CEMIP: variants seen among roughly 807,000 people sequenced by gnomAD.
CEMIP encodes cell migration-inducing and hyaluronan-binding protein.
CEMIP carries 105 observed loss-of-function variants against 156.9 expected under a neutral mutation model. The ratio of observed to expected loss-of-function variants is 0.67; its 90% CI spans 0.57 to 0.79. The LOEUF is 0.79. Ranked by LOEUF, CEMIP falls within the 30% of genes least tolerant of loss-of-function variation. The pLI is 0.00. For synonymous variants in CEMIP, 676 were observed against 668.4 expected (o/e 1.01, Z -0.17); for missense variants, 1,457 against 1,769.4 (o/e 0.82, Z 3.17).
chr15:80,873,766 T>G (rs1898372896), intron 2 of CEMIP, 70 bp downstream of exon 2: 4 of 804,202 alleles, frequency 5.0e-6, no homozygotes, highest in Non-Finnish European at 8.3e-6. Context: ...CCCGTGTCTG[T>G]GTGTGTGCAT....
At chr15:80,900,118 C>T (rs563118150) in intron 12 of CEMIP, among the ~76,000 whole-genome samples, 7 of 152,306 alleles carry the variant, frequency 4.6e-5, no homozygotes, top group South Asian at 4.1e-4. Context: ...AAGGCCTGCA[C>T]GGGAGTTCTC....
chr15:80,920,894 A>G, intron 15 of CEMIP, 138 bp from the exon 16 acceptor site: 1 of 718,540 alleles, frequency 1.4e-6, no homozygotes, highest in South Asian at 1.6e-5. Flanking sequence ...GTTTCAGATC[A>G]ACAAGTCAAT....
intron 1 of CEMIP, among the ~76,000 whole-genome samples, chr15:80,787,388 C>G (rs1234107989): frequency 6.6e-6 from 1 of 152,198 alleles, no homozygotes; most frequent in Non-Finnish European, 1.5e-5. Flanking sequence ...GATGGGTTTC[C>G]CTCCAGGATG....
rs551223836 is a variant in CEMIP, at chr15:80,834,724, G to A, written c.-175-38814G>A. ...ATTAAGGCCTCCCACTTTGTTCTTT[G>A]AGATTGTCTTTACTGTTCTTGGCCC... is the stretch of plus-strand genomic sequence containing the variant. On this transcript the variant is annotated intron_variant, in intron 1 of 29. Transcript: ENST00000394685. Among the ~76,000 whole-genome samples the A allele has an allele frequency of 6.6e-5, 10 of 152,212 alleles. No homozygotes were observed. The South Asian group carries it at 1.9e-3, about 28-fold the overall frequency.
At chr15:80,852,357 C>T (rs1897734382) in intron 1 of CEMIP, among the ~76,000 whole-genome samples, 1 of 151,926 alleles carries the variant, frequency 6.6e-6, no homozygotes, top group African/African-American at 2.4e-5. Flanking sequence ...AGAATCAGAA[C>T]CTTTTTGGAT....
intron 1 of CEMIP, among the ~76,000 whole-genome samples, chr15:80,796,586 A>G (rs914886655): frequency 6.6e-6 from 1 of 152,228 alleles, no homozygotes; most frequent in Non-Finnish European, 1.5e-5. Context: ...TACATTTATC[A>G]GTCTGACCTG....
At chr15:80,928,961 T>A in intron 20 of CEMIP, 24 bp downstream of exon 20, 1 of 1,614,268 alleles carries the variant, frequency 6.2e-7, no homozygotes, top group Non-Finnish European at 8.5e-7. Flanking sequence ...TCATTGTACT[T>A]GGTCCTCTGT....
chr15:80,944,585 C>T (rs916487327), intron 28 of CEMIP, among the ~76,000 whole-genome samples: 1 of 152,124 alleles, frequency 6.6e-6, no homozygotes, highest in Non-Finnish European at 1.5e-5. Flanking sequence ...ATGAGGGGCA[C>T]GACGTGAACT....
chr15:80,936,603 G>GTTAGTCAGATA, intron 23 of CEMIP, 71 bp from the exon 24 acceptor site: 1 of 1,363,714 alleles, frequency 7.3e-7, no homozygotes, highest in Admixed American at 1.7e-5. Flanking sequence ...ATAGTCAGAT[G>GTTAGTCAGATA]TTAGCCAGAC....
chr15:80,848,231 G>A (rs1193465550), intron 1 of CEMIP, among the ~76,000 whole-genome samples: 1 of 152,150 alleles, frequency 6.6e-6, no homozygotes, highest in Non-Finnish European at 1.5e-5. Flanking sequence ...CAAGCCGCAT[G>A]GACTCCTCCT....
At chr15:80,917,421 G>A (rs934848792) in intron 14 of CEMIP, among the ~76,000 whole-genome samples, 4 of 152,162 alleles carry the variant, frequency 2.6e-5, no homozygotes, top group Non-Finnish European at 4.4e-5. Context: ...TGTAAAGTTG[G>A]AGGCATTAAA....
At chr15:80,934,684 G>A (rs1243790410) in intron 23 of CEMIP, among the ~76,000 whole-genome samples, 1 of 152,160 alleles carries the variant, frequency 6.6e-6, no homozygotes, top group African/African-American at 2.4e-5. Flanking sequence ...GGAGTGATAG[G>A]AGAGGGAGAT....
At chr15:80,833,943 T>TA (rs1897213727) in intron 1 of CEMIP, among the ~76,000 whole-genome samples, 1 of 152,216 alleles carries the variant, frequency 6.6e-6, no homozygotes, top group Non-Finnish European at 1.5e-5. Flanking sequence ...GTGCTGGGAT[T>TA]ACAGACGTGA....
chr15:80,921,250 G>A (rs1263545146), intron 16 of CEMIP, 149 bp downstream of exon 16: 3 of 780,136 alleles, frequency 3.8e-6, no homozygotes, highest in African/African-American at 1.7e-5. Flanking sequence ...AGAGGAAAAC[G>A]ACAGACTGGG....
chr15:80,918,774 G>T (rs1567100365), intron 14 of CEMIP, among the ~76,000 whole-genome samples: 1 of 152,136 alleles, frequency 6.6e-6, no homozygotes, highest in African/African-American at 2.4e-5. Flanking sequence ...TCTCTGGAGT[G>T]TCTGAGCAGA....
In CEMIP at chr15:80,791,814, C is replaced by T. The variant is rs373680994; in HGVS notation, c.-176+12200C>T. Among the ~76,000 whole-genome samples the T allele has an allele frequency of 4.6e-5, 7 of 152,232 alleles. No individual in the cohort carries two copies. In the South Asian group the frequency reaches 6.2e-4, roughly 14 times the overall value. ...CTTGTTGACTGACCTGCAGCAGAGG[C>T]GGCAGAGGGAAAGTGGGATAAAGGG... On this transcript the variant is annotated intron_variant, in intron 1 of 29. Transcript: ENST00000394685.
intron 1 of CEMIP, among the ~76,000 whole-genome samples, chr15:80,853,531 G>T (rs1181086508): frequency 6.6e-6 from 1 of 152,188 alleles, no homozygotes; most frequent in East Asian, 1.9e-4. Flanking sequence ...TCAAGGCAGA[G>T]ATTTGGGAAG....
At chr15:80,813,403 G>A (rs1896716084) in intron 1 of CEMIP, among the ~76,000 whole-genome samples, 1 of 136,922 alleles carries the variant, frequency 7.3e-6, no homozygotes, top group Admixed American at 7.2e-5. Flanking sequence ...AGGTTGGAGT[G>A]CAGTGGCATG....
intron 28 of CEMIP, among the ~76,000 whole-genome samples, chr15:80,944,794 AAAG>A (rs1901478006): frequency 6.6e-6 from 1 of 152,184 alleles, no homozygotes; most frequent in African/African-American, 2.4e-5. Flanking sequence ...TTTTGAAATG[AAAG>A]ATGATGCAGA....
Sources: allele counts gnomAD v4.1 joint callset (sites outside exome capture counted in the v4.1 genomes callset), GRCh38; gene constraint gnomAD v4.1.1; transcripts MANE v1.5; gene names NCBI Gene and HGNC (gene_info 2026-07-23, HGNC 2026-07-21).